QKI: variants seen among roughly 807,000 people sequenced by gnomAD.
The protein encoded by QKI is KH domain-containing RNA-binding protein QKI.
QKI carries 10 observed loss-of-function variants against 39.0 expected under a neutral mutation model. The observed-to-expected ratio is 0.26, with a 90% CI of 0.16 to 0.43. The LOEUF is 0.43. QKI is among the 20% of genes least tolerant of loss of function. The pLI is 1.00. For synonymous variants in QKI, 204 were observed against 155.4 expected (o/e 1.31, Z -2.33); for missense variants, 218 against 428.0 (o/e 0.51, Z 4.33).
chr6:163,420,862 T>A (rs1176756937), intron 1 of QKI, among the ~76,000 whole-genome samples: 1 of 152,222 alleles, frequency 6.6e-6, no homozygotes, highest in Non-Finnish European at 1.5e-5. Flanking sequence ...AACCCCAGTC[T>A]GTGTTAGGTA....
At chr6:163,533,879 T>G (rs1284397014) in intron 3 of QKI, among the ~76,000 whole-genome samples, 1 of 152,188 alleles carries the variant, frequency 6.6e-6, no homozygotes, top group East Asian at 1.9e-4. Context: ...CTGTTAAAAT[T>G]TATTTTTAGC....
At chr6:163,498,807 A>G (rs1445115669) in intron 3 of QKI, among the ~76,000 whole-genome samples, 1 of 152,076 alleles carries the variant, frequency 6.6e-6, no homozygotes. Flanking sequence ...TTATTTTTCC[A>G]TTGCCTTTGA....
intron 3 of QKI, among the ~76,000 whole-genome samples, chr6:163,481,983 A>G (rs1793107165): frequency 1.3e-5 from 2 of 152,130 alleles, no homozygotes; most frequent in African/African-American, 4.8e-5. Context: ...GTTGAAGACC[A>G]ACAAGGTCAA....
intron 3 of QKI, among the ~76,000 whole-genome samples, chr6:163,511,042 A>G (rs551555723): frequency 2.6e-5 from 4 of 152,322 alleles, no homozygotes; most frequent in African/African-American, 9.6e-5. Context: ...ATGCTGGGCC[A>G]TAAGGTACAA....
intron 1 of QKI, among the ~76,000 whole-genome samples, chr6:163,451,564 A>C (rs1790559848): frequency 6.6e-6 from 1 of 152,220 alleles, no homozygotes; most frequent in Non-Finnish European, 1.5e-5. Context: ...TATAATATTT[A>C]AGATCTTTAG....
At chr6:163,565,039 C>T (rs1482425389) in intron 6 of QKI, 4 of 1,120,366 alleles carry the variant, frequency 3.6e-6, no homozygotes, top group Non-Finnish European at 4.4e-6. Context: ...TGTGCATGCA[C>T]TCAGGTGCCC....
intron 2 of QKI, among the ~76,000 whole-genome samples, chr6:163,468,824 A>G (rs1791968452): frequency 6.6e-6 from 1 of 152,200 alleles, no homozygotes; most frequent in Non-Finnish European, 1.5e-5. Context: ...GGCGTGATAA[A>G]TCAACACAGA....
intron 3 of QKI, among the ~76,000 whole-genome samples, chr6:163,499,404 T>G (rs1778607833): frequency 1.3e-5 from 2 of 152,196 alleles, no homozygotes; most frequent in Admixed American, 1.3e-4. Flanking sequence ...GACTCATCAC[T>G]TTTGAGGAAT....
intron 3 of QKI, among the ~76,000 whole-genome samples, chr6:163,496,373 A>G (rs1778408456): frequency 7.8e-6 from 1 of 128,778 alleles, no homozygotes; most frequent in Admixed American, 8.7e-5. Flanking sequence ...TTCTAATTTT[A>G]TAGATGAGGA....
intron 7 of QKI, chr6:163,570,468 T>C: frequency 2.1e-6 from 2 of 975,510 alleles, no homozygotes; most frequent in Non-Finnish European, 2.4e-6. Flanking sequence ...TTTGTGGGAG[T>C]GGGCTCTTCT....
intron 1 of QKI, among the ~76,000 whole-genome samples, chr6:163,450,407 T>C (rs1790470558): frequency 6.6e-6 from 1 of 152,126 alleles, no homozygotes; most frequent in African/African-American, 2.4e-5. Flanking sequence ...AGAGTGCACG[T>C]ACAATAATTT....
At position 163,508,504 on chromosome 6, in the gene QKI, TTTTCTTTC is replaced by T. The variant is rs142900512; in HGVS notation, c.403-26454_403-26447del. On this transcript the variant is annotated intron_variant, in intron 3 of 7. Coordinates refer to ENST00000361752, the MANE Select transcript of QKI (RefSeq NM_006775.3). ...AGTAAAATATCTTTTTTTCTTTTTCTTTTCTTTCTTTCTTTCTTTCTTTCTTTCTTTTT... is the reference window on the plus strand; with the variant it reads ...AGTAAAATATCTTTTTTTCTTTTTCTTTTCTTTCTTTCTTTCTTTCTTTTT... Among the ~76,000 whole-genome samples, 67 of 141,006 alleles carry T rather than the reference TTTTCTTTC, an allele frequency of 4.8e-4. 1 individual carries two copies. The highest frequency in any genetic ancestry group is 7.0e-4 in the South Asian group (3 of 4,262). The allele number at this position is 141,006 out of a possible 152,430, so 92.5% of individuals were successfully genotyped here. A position where few individuals can be genotyped will look rare whatever the true frequency, so the allele number is the denominator to read the frequency against.
chr6:163,437,038 T>G (rs1163600215), intron 1 of QKI, among the ~76,000 whole-genome samples: 2 of 152,262 alleles, frequency 1.3e-5, no homozygotes, highest in East Asian at 3.9e-4. Flanking sequence ...TTTAATTCCC[T>G]TATCGGTGAC....
intron 3 of QKI, among the ~76,000 whole-genome samples, chr6:163,533,112 C>G (rs1282978595): frequency 6.6e-6 from 1 of 151,084 alleles, no homozygotes; most frequent in Non-Finnish European, 1.5e-5. Flanking sequence ...TAATACCAGA[C>G]TAGTAGCTTT....
At chr6:163,521,136 T>C (rs1780130239) in intron 3 of QKI, among the ~76,000 whole-genome samples, 2 of 152,086 alleles carry the variant, frequency 1.3e-5, no homozygotes, top group Admixed American at 1.3e-4. Context: ...TACCATCTAG[T>C]ATTATATTTT....
chr6:163,488,292 G>A (rs1460875104), intron 3 of QKI, among the ~76,000 whole-genome samples: 4 of 151,884 alleles, frequency 2.6e-5, no homozygotes, highest in Non-Finnish European at 4.4e-5. Context: ...CTTGGAATCA[G>A]CCAATTTTTT....
chr6:163,498,446 TACAAAGCTCTCCTACAC>T (rs1392011022), intron 3 of QKI, among the ~76,000 whole-genome samples: 1 of 152,160 alleles, frequency 6.6e-6, no homozygotes, highest in Non-Finnish European at 1.5e-5. Context: ...ATAAAAACAG[TACAAAGCTCTCCTACAC>T]ACCTTTCACC....
At chr6:163,420,827 T>G (rs1787940677) in intron 1 of QKI, among the ~76,000 whole-genome samples, 1 of 152,196 alleles carries the variant, frequency 6.6e-6, no homozygotes, top group Non-Finnish European at 1.5e-5. Flanking sequence ...GTTATCTTAG[T>G]GGGACTGTTA....
intron 3 of QKI, among the ~76,000 whole-genome samples, chr6:163,529,350 A>G (rs140200629): frequency 0.016 from 2,439 of 152,296 alleles, 39 homozygotes; most frequent in Non-Finnish European, 0.022. Context: ...TTCAATCATA[A>G]AAGTTCAATT....
Sources: allele counts gnomAD v4.1 joint callset (sites outside exome capture counted in the v4.1 genomes callset), GRCh38; gene constraint gnomAD v4.1.1; transcripts MANE v1.5; gene names NCBI Gene and HGNC (gene_info 2026-07-23, HGNC 2026-07-21).